Variants in GLI3 observed in about 807,000 individuals in gnomAD.
GLI3 encodes GLI family zinc finger 3.
In GLI3, 20 loss-of-function variants were observed where a neutral mutation model predicts 100.8. The ratio of observed to expected loss-of-function variants is 0.20; its 90% CI spans 0.14 to 0.29. The LOEUF (loss-of-function observed/expected upper bound fraction) is 0.29, where lower values mean the gene tolerates loss of function less well. Among genes scored for constraint, GLI3 ranks in the 10% least tolerant of loss-of-function variants. The probability of loss-of-function intolerance (pLI) is 1.00; values close to 1 mark genes in which losing one functional copy is unlikely to be tolerated. For missense variants in GLI3, 2,040 were observed against 2,128.5 expected, an observed-to-expected ratio of 0.96 and a Z score of 0.82; for synonymous variants, 938 against 860.5, an observed-to-expected ratio of 1.09 and a Z score of -1.58.
intron 10 of GLI3, among the ~76,000 whole-genome samples, chr7:42,016,354 T>C (rs1048007323): frequency 6.6e-6 from 1 of 152,202 alleles, no homozygotes; most frequent in East Asian, 1.9e-4. Context: ...GACATCTTTC[T>C]GCAATTACTA....
chr7:42,050,543 A>C (rs1402992404), intron 4 of GLI3, among the ~76,000 whole-genome samples: 1 of 152,190 alleles, frequency 6.6e-6, no homozygotes, highest in African/African-American at 2.4e-5. Context: ...GGGATGCTCT[A>C]ATTCATTCAT....
At chr7:42,037,434 C>A (rs1784035999) in intron 7 of GLI3, among the ~76,000 whole-genome samples, 1 of 152,174 alleles carries the variant, frequency 6.6e-6, no homozygotes, top group Non-Finnish European at 1.5e-5. Context: ...CAGGAGTAAG[C>A]AAGGCACTAG....
intron 4 of GLI3, among the ~76,000 whole-genome samples, chr7:42,070,876 G>A (rs1269220413): frequency 6.6e-6 from 1 of 152,142 alleles, no homozygotes; most frequent in Non-Finnish European, 1.5e-5. Context: ...AAGGGGACCA[G>A]TAACTGCTTT....
upstream of GLI3, among the ~76,000 whole-genome samples, chr7:42,242,415 A>G (rs1001747837): frequency 1.3e-5 from 2 of 152,216 alleles, no homozygotes; most frequent in Admixed American, 1.3e-4. Context: ...TGCAGGTTTT[A>G]CCAAATCTTT....
At chr7:42,189,324 A>G (rs1422032317) in intron 2 of GLI3, among the ~76,000 whole-genome samples, 1 of 152,230 alleles carries the variant, frequency 6.6e-6, no homozygotes, top group East Asian at 1.9e-4. Flanking sequence ...TCCTAAACAC[A>G]TTCACACAAC....
chr7:42,262,416 C>G (rs1477807560), intron 1 of GLI3, among the ~76,000 whole-genome samples: 1 of 152,074 alleles, frequency 6.6e-6, no homozygotes, highest in African/African-American at 2.4e-5. Flanking sequence ...CATGCCACCA[C>G]AGCCAGCTAA....
chr7:42,068,742 C>T (rs1449964858), intron 4 of GLI3, among the ~76,000 whole-genome samples: 3 of 152,018 alleles, frequency 2.0e-5, no homozygotes, highest in Admixed American at 2.0e-4. Flanking sequence ...TAGGAAATGG[C>T]ATGTCTTTGT....
rs1361179315 is a variant in GLI3, at chr7:42,262,232, C to CCTTCCTTCCTTT, written c.-43+1761_-43+1762insAAAGGAAGGAAG. On this transcript the variant is annotated intron_variant, in intron 1 of 2. Transcript: ENST00000678978. The stretch of plus-strand genomic sequence containing the variant: ...TCTTTCCTTCCTTCCTTCTTTCCTT[C>CCTTCCTTCCTTT]CTTCCTTCCTTCCTTTCTTCCTCCC... 4.5e-3 allele frequency among the ~76,000 whole-genome samples: 617 copies of CCTTCCTTCCTTT among 137,886 alleles called. 12 individuals are homozygous for CCTTCCTTCCTTT. The highest frequency in any genetic ancestry group is 0.018 in the African/African-American group (591 of 32,506). The allele number at this position is 137,886 out of a possible 152,430, so 90.5% of individuals were successfully genotyped here. A position where few individuals can be genotyped will look rare whatever the true frequency, so the allele number is the denominator to read the frequency against.
Position 42,075,311 on chromosome 7 carries a change from T to C in GLI3, c.473+1441A>G, listed in dbSNP as rs533178618. 1.4e-4 allele frequency among the ~76,000 whole-genome samples: 21 copies of C among 152,288 alleles called. 1 individual carries two copies. Among genetic ancestry groups the C allele is most frequent in the African/African-American group, 5.1e-4 (21 of 41,560 alleles). On this transcript the variant is annotated intron_variant, in intron 4 of 14. Coordinates refer to ENST00000395925, the MANE Select transcript of GLI3 (RefSeq NM_000168.6). Reference sequence around the variant, plus strand: ...GAAAATCTGACTTAAATTAAGTACATCACAAAGGCTCCAGTCTGGGAGGAA... The same window carrying C: ...GAAAATCTGACTTAAATTAAGTACACCACAAAGGCTCCAGTCTGGGAGGAA...
At chr7:42,010,824 G>C (rs1276994844) in intron 10 of GLI3, among the ~76,000 whole-genome samples, 2 of 152,206 alleles carry the variant, frequency 1.3e-5, no homozygotes, top group Non-Finnish European at 2.9e-5. Flanking sequence ...AATGAGTTTA[G>C]TGGCCTTCAA....
chr7:41,966,120 G>A lies in GLI3; in HGVS notation c.2953C>T (p.His985Tyr). The change falls in exon 15 of 15, where the codon CAC becomes TAC. Residue 985 changes from histidine to tyrosine, a missense_variant. By Grantham distance (83) the His-to-Tyr change is moderately conservative (BLOSUM62 2). This residue lies in a region of GLI3 where 1,041 missense variants were observed against 924.0 expected (regional missense o/e 1.13). Transcript: ENST00000395925. The surrounding 1 kb of genome is among the most constrained non-coding windows in gnomAD (Gnocchi z 5.8). The part of the protein sequence containing the change: ...APRRCSDGGA[H>Y]GYGRRHLQPH... Reference sequence around the variant, plus strand: ...TGCAGGTGGCGCCGCCCGTAGCCGTGGGCTCCCCCGTCGCTGCACCTCCTC... The same window carrying A: ...TGCAGGTGGCGCCGCCCGTAGCCGTAGGCTCCCCCGTCGCTGCACCTCCTC... 6.3e-7 allele frequency: 1 copy of A among 1,580,862 alleles called. No individual in the cohort carries two copies. The highest frequency in any genetic ancestry group is 8.6e-7 in the Non-Finnish European group (1 of 1,168,780).
intron 3 of GLI3, among the ~76,000 whole-genome samples, chr7:42,089,216 A>G (rs905017518): frequency 2.0e-5 from 3 of 152,182 alleles, no homozygotes; most frequent in African/African-American, 7.2e-5. Flanking sequence ...GTAATAGTGG[A>G]CACACTCACA....
In GLI3 at chr7:42,083,719, C is replaced by G. The variant is rs113296865; in HGVS notation, c.368-6862G>C. ...TTATTGTGTTGTCTAAGCGATAACA[C>G]TAAGTACATCAAGTATTTTCAATGC... is the stretch of plus-strand genomic sequence containing the variant. On this transcript the variant is annotated intron_variant, in intron 3 of 14. Transcript: ENST00000395925. Among the ~76,000 whole-genome samples the G allele has an allele frequency of 4.6e-4, 70 of 152,226 alleles. 1 individual carries two copies. Among genetic ancestry groups the G allele is most frequent in the African/African-American group, 1.5e-3 (63 of 41,548 alleles).
At position 41,965,049 on chromosome 7, in the gene GLI3, G is replaced by C; in HGVS notation, c.4024C>G (p.Gln1342Glu). ...GCACTAATCTGCCCAAGCATCTGCT[G>C]ACCGGGGCGGCCTGCCCCCGGGTGC... is the stretch of plus-strand genomic sequence containing the variant. Reference protein sequence around the residue: ...MQHPGAGRPGQQMLGQISATS... With the variant: ...MQHPGAGRPGEQMLGQISATS... Residue 1342 changes from glutamine (Q) to glutamate (E), a missense_variant, in exon 15 of 15, where the codon CAG becomes GAG. Transcript: ENST00000395925. The C allele has an allele frequency of 6.2e-7, 1 of 1,613,890 alleles. No individual in the cohort carries two copies. Among genetic ancestry groups the C allele is most frequent in the Non-Finnish European group, 8.5e-7 (1 of 1,179,998 alleles).
At chr7:42,044,406 C>G (rs897238742) in intron 6 of GLI3, among the ~76,000 whole-genome samples, 2 of 152,132 alleles carry the variant, frequency 1.3e-5, no homozygotes, top group African/African-American at 4.8e-5. Flanking sequence ...GAGATGAGCG[C>G]TCTGGAATGC....
chr7:41,977,880 T>C (rs559217997), intron 11 of GLI3, 158 bp from the exon 12 acceptor site: 1 of 710,484 alleles, frequency 1.4e-6, no homozygotes, highest in South Asian at 1.5e-5. Flanking sequence ...TTTATTGGGA[T>C]TCAGATGTAG....
chr7:42,102,330 G>A (rs888756953), intron 3 of GLI3, among the ~76,000 whole-genome samples: 48 of 152,186 alleles, frequency 3.2e-4, no homozygotes, highest in Non-Finnish European at 1.9e-4. Flanking sequence ...GACGGCCTCT[G>A]CTGAAAGCCT....
intron 10 of GLI3, among the ~76,000 whole-genome samples, chr7:41,991,168 C>G (rs776280488): frequency 2.6e-5 from 4 of 152,180 alleles, no homozygotes; most frequent in Non-Finnish European, 4.4e-5. Flanking sequence ...GAAACGAATA[C>G]TGTCTAAAAA....
intron 1 of GLI3, among the ~76,000 whole-genome samples, 188 bp from the exon 2 acceptor site, chr7:42,223,483 C>T (rs1788527567): frequency 6.6e-6 from 1 of 152,102 alleles, no homozygotes; most frequent in South Asian, 2.1e-4. Flanking sequence ...CAGTGAAACT[C>T]TACACAAGCA....
Sources: gnomAD v4.1 joint callset for allele counts (sites outside exome capture counted in the v4.1 genomes callset) on GRCh38, gnomAD v4.1.1 for gene constraint, gnomAD v4.1.1 regional missense constraint, Gnocchi (gnomAD v3.1) non-coding constraint, MANE v1.5 for transcripts, NCBI Gene and HGNC (gene_info 2026-07-23, HGNC 2026-07-21) for gene names.